Variants in POU6F2 observed in about 807,000 individuals in gnomAD.
POU6F2 encodes the protein POU class 6 homeobox 2, also known as POU domain, class 6, transcription factor 2.
POU6F2 carries 31 observed loss-of-function variants against 71.3 expected under a neutral mutation model. The ratio of observed to expected loss-of-function variants is 0.43; its 90% CI spans 0.33 to 0.59. The LOEUF (loss-of-function observed/expected upper bound fraction) is 0.59, where lower values mean the gene tolerates loss of function less well. Among genes scored for constraint, POU6F2 ranks in the 20% least tolerant of loss-of-function variants. The probability of loss-of-function intolerance (pLI) is 0.04; values close to 1 mark genes in which losing one functional copy is unlikely to be tolerated. For missense variants in POU6F2, 783 were observed against 856.8 expected (o/e 0.91, Z 1.07); for synonymous variants, 347 against 355.7 (o/e 0.98, Z 0.27).
At chr7:39,098,951 T>A (rs1465140998) in intron 2 of POU6F2, among the ~76,000 whole-genome samples, 2 of 152,192 alleles carry the variant, frequency 1.3e-5, no homozygotes, top group Non-Finnish European at 2.9e-5. Context: ...TAAGGAAACA[T>A]GAGCCCCCAA....
chr7:39,203,208 A>G (rs1358525227), intron 2 of POU6F2, among the ~76,000 whole-genome samples: 1 of 152,232 alleles, frequency 6.6e-6, no homozygotes, highest in South Asian at 2.1e-4. Context: ...TTTAAAATTT[A>G]TAAGTGTGAC....
intron 2 of POU6F2, among the ~76,000 whole-genome samples, chr7:39,133,665 A>G (rs1792332867): frequency 6.6e-6 from 1 of 152,170 alleles, no homozygotes; most frequent in Non-Finnish European, 1.5e-5. Context: ...ATACAATAAC[A>G]TTGTCTTGTT....
At chr7:39,360,155 A>C (rs1375662693) in intron 5 of POU6F2, among the ~76,000 whole-genome samples, 1 of 152,222 alleles carries the variant, frequency 6.6e-6, no homozygotes, top group East Asian at 1.9e-4. Context: ...TAACATCCTT[A>C]TTTAGAATTG....
At chr7:39,397,814 G>GTATATATATATATGTATATATA (rs1554349982) in intron 5 of POU6F2, among the ~76,000 whole-genome samples, 2 of 128,448 alleles carry the variant, frequency 1.6e-5, no homozygotes, top group African/African-American at 3.3e-5. Context: ...TATATTTTGT[G>GTATATATATATATGTATATATA]TATATATATA....
intron 4 of POU6F2, among the ~76,000 whole-genome samples, chr7:39,224,482 A>C (rs1292552324): frequency 6.6e-6 from 1 of 152,148 alleles, no homozygotes; most frequent in Non-Finnish European, 1.5e-5. Flanking sequence ...TAAATTCTCC[A>C]AGTCTTTGGA....
intron 4 of POU6F2, among the ~76,000 whole-genome samples, chr7:39,303,008 T>C (rs891626919): frequency 6.6e-6 from 1 of 152,236 alleles, no homozygotes; most frequent in African/African-American, 2.4e-5. Context: ...ACATTTCTAC[T>C]AAGTTCCAAA....
intron 1 of POU6F2, among the ~76,000 whole-genome samples, chr7:39,018,461 AT>A (rs11287271): frequency 0.22 from 31,517 of 146,378 alleles, 3,246 homozygotes; most frequent in Middle Eastern, 0.26. Flanking sequence ...AACCATTTAC[AT>A]TTTTTTTTTT....
At chr7:39,144,043 C>T (rs539620624) in intron 2 of POU6F2, among the ~76,000 whole-genome samples, 117 of 152,196 alleles carry the variant, frequency 7.7e-4, no homozygotes, top group Non-Finnish European at 1.2e-3. Flanking sequence ...TTCTCTTCCT[C>T]CCTCCCTTCC....
Position 39,099,655 on chromosome 7 carries a change from C to T in POU6F2, c.277+13624C>T, listed in dbSNP as rs574325091. Reference sequence around the variant, plus strand: ...CACCACCCTTGACCTAGGCACAAGGCTATGAGCTTATGTCTCCGTTTCCTC... The same window carrying T: ...CACCACCCTTGACCTAGGCACAAGGTTATGAGCTTATGTCTCCGTTTCCTC... On this transcript the variant is annotated intron_variant, in intron 2 of 9. Coordinates refer to ENST00000518318, the MANE Select transcript of POU6F2 (RefSeq NM_001370959.1). Among the ~76,000 whole-genome samples, 152 of 152,290 alleles carry T rather than the reference C, an allele frequency of 1.0e-3. 1 individual carries two copies. Among genetic ancestry groups the T allele is most frequent in the Non-Finnish European group, 1.9e-3 (132 of 68,012 alleles).
rs571709799 is a variant in POU6F2 at position 39,368,054 on chromosome 7, A to G, written c.972+28039A>G. On this transcript the variant is annotated intron_variant, in intron 5 of 9. Transcript: ENST00000518318. ...GCACTACAATGTTGAAATTAGACCA[A>G]TTAATAACCCTACAATGACCTCCAA... Among the ~76,000 whole-genome samples, 272 of 152,304 alleles carry G rather than the reference A, an allele frequency of 1.8e-3. 4 individuals carry two copies. The highest frequency in any genetic ancestry group is 6.3e-3 in the African/African-American group (260 of 41,560).
At chr7:39,410,795 A>T (rs1787535501) in intron 6 of POU6F2, among the ~76,000 whole-genome samples, 1 of 152,188 alleles carries the variant, frequency 6.6e-6, no homozygotes, top group South Asian at 2.1e-4. Flanking sequence ...TTTGACTCAT[A>T]GTTTCCGGAA....
At chr7:39,031,505 C>G (rs1347644951) in intron 1 of POU6F2, among the ~76,000 whole-genome samples, 1 of 152,128 alleles carries the variant, frequency 6.6e-6, no homozygotes, top group African/African-American at 2.4e-5. Context: ...TTCTATCCAT[C>G]AGTATTTTAT....
At chr7:39,067,648 T>C (rs1790786182) in intron 1 of POU6F2, among the ~76,000 whole-genome samples, 1 of 152,158 alleles carries the variant, frequency 6.6e-6, no homozygotes, top group Non-Finnish European at 1.5e-5. Flanking sequence ...AGTATGTATT[T>C]ATAGCCCAGG....
At chr7:39,435,087 T>C (rs984944229) in intron 7 of POU6F2, among the ~76,000 whole-genome samples, 1 of 152,230 alleles carries the variant, frequency 6.6e-6, no homozygotes, top group Non-Finnish European at 1.5e-5. Context: ...AGTGCTGCAA[T>C]AAATATACAT....
chr7:39,111,558 C>T (rs932225883), intron 2 of POU6F2, among the ~76,000 whole-genome samples: 2 of 152,076 alleles, frequency 1.3e-5, no homozygotes, highest in African/African-American at 4.8e-5. Flanking sequence ...AATGAATTTT[C>T]ATATTTTATA....
At position 39,111,025 on chromosome 7, in the gene POU6F2, T is replaced by G. The variant is rs538670440; in HGVS notation, c.277+24994T>G. Among the ~76,000 whole-genome samples, 5 of 152,332 alleles carry G rather than the reference T, an allele frequency of 3.3e-5. No individual in the cohort carries two copies. In the East Asian group the frequency reaches 7.7e-4, roughly 23 times the overall value. ...TTTAAATAAATTGTATATTTTGTTA[T>G]TTTTGTAAATTGTGTTATACATTCT... On this transcript the variant is annotated intron_variant, in intron 2 of 9. Transcript: ENST00000518318.
chr7:39,136,153 T>A (rs190840886), intron 2 of POU6F2, among the ~76,000 whole-genome samples: 22 of 152,216 alleles, frequency 1.4e-4, no homozygotes, highest in Non-Finnish European at 2.4e-4. Flanking sequence ...AATAATATGA[T>A]GTTACTTTTG....
intron 2 of POU6F2, among the ~76,000 whole-genome samples, chr7:39,203,447 A>G (rs1043295373): frequency 6.6e-6 from 1 of 152,244 alleles, no homozygotes; most frequent in Non-Finnish European, 1.5e-5. Flanking sequence ...TTGTTTGTGT[A>G]TCTATTGTTT....
At chr7:39,176,539 C>T (rs192328621) in intron 2 of POU6F2, among the ~76,000 whole-genome samples, 9 of 152,210 alleles carry the variant, frequency 5.9e-5, no homozygotes, top group Non-Finnish European at 1.0e-4. Context: ...AGGGGAGAAG[C>T]GTGTCTTTTC....
Sources: allele counts gnomAD v4.1 joint callset (sites outside exome capture counted in the v4.1 genomes callset), GRCh38; gene constraint gnomAD v4.1.1; transcripts MANE v1.5; gene names NCBI Gene and HGNC (gene_info 2026-07-23, HGNC 2026-07-21).